The following PIEZO1 variants were observed in gnomAD, a reference collection of about 807,000 sequenced individuals.
PIEZO1 encodes the protein piezo-type mechanosensitive ion channel component 1.
PIEZO1 carries 296 observed loss-of-function variants against 297.2 expected under a neutral mutation model. The ratio of observed to expected loss-of-function variants is 1.00; its 90% CI spans 0.91 to 1.10. The LOEUF is 1.10. Among genes scored for constraint, PIEZO1 ranks in the 50% least tolerant of loss-of-function variants. The pLI, the probability that PIEZO1 is intolerant of heterozygous loss-of-function variation, is 0.00. For missense variants in PIEZO1, 5,018 were observed against 3,455.5 expected (o/e 1.45, Z -11.34); for synonymous variants, 2,427 against 1,507.5 (o/e 1.61, Z -14.13).
rs993426050 is a variant in PIEZO1, at chr16:88,715,392, C to T, written c.*213G>A. ...TTTTTTAATTAAAAAAAAAACTCTA[C>T]AGTACACGTGGGGGACGGCAGCGCC... On this transcript the variant is annotated 3_prime_UTR_variant, in exon 51 of 51. Transcript: ENST00000301015. 3.8e-6 allele frequency: 4 copies of T among 1,046,150 alleles called. No individual in the cohort carries two copies. The highest frequency in any genetic ancestry group is 3.2e-5 in the South Asian group (2 of 61,758). The allele number at this position is 1,046,150 out of a possible 1,614,324, so 64.8% of individuals were successfully genotyped here. A position where few individuals can be genotyped will look rare whatever the true frequency, so the allele number is the denominator to read the frequency against.
intron 22 of PIEZO1, among the ~76,000 whole-genome samples, chr16:88,730,491 G>A (rs552806863): frequency 3.3e-5 from 5 of 151,496 alleles, no homozygotes; most frequent in Non-Finnish European, 7.4e-5. Context: ...CTAGCCACGA[G>A]GGAGGCTGAG....
At chr16:88,769,043 C>G (rs1408115273) in intron 1 of PIEZO1, among the ~76,000 whole-genome samples, 1 of 152,236 alleles carries the variant, frequency 6.6e-6, no homozygotes, top group Non-Finnish European at 1.5e-5. Flanking sequence ...CCCACACTTG[C>G]TATGCAGAGT....
At chr16:88,758,805 C>A (rs747326755) in intron 1 of PIEZO1, among the ~76,000 whole-genome samples, 1 of 152,248 alleles carries the variant, frequency 6.6e-6, no homozygotes, top group African/African-American at 2.4e-5. Flanking sequence ...TCCCTCCTCA[C>A]AGGATTGTCG....
intron 1 of PIEZO1, among the ~76,000 whole-genome samples, chr16:88,757,509 C>A (rs1295180152): frequency 6.9e-6 from 1 of 144,800 alleles, no homozygotes; most frequent in African/African-American, 2.6e-5. Context: ...GGGCTGGGGG[C>A]CAAGACGGGG....
chr16:88,750,643 G>C (rs1352021616), intron 1 of PIEZO1, among the ~76,000 whole-genome samples: 2 of 152,244 alleles, frequency 1.3e-5, no homozygotes, highest in Non-Finnish European at 2.9e-5. Context: ...GAGTCAGGGA[G>C]GCTGTGCCTG....
At chr16:88,769,506 G>C (rs2911462) in intron 1 of PIEZO1, among the ~76,000 whole-genome samples, 1 of 152,186 alleles carries the variant, frequency 6.6e-6, no homozygotes, top group Non-Finnish European at 1.5e-5. Context: ...ACAGACCTGC[G>C]GAACGCCTCG....
chr16:88,724,448 T>C (rs1188583122), intron 30 of PIEZO1, among the ~76,000 whole-genome samples: 1 of 151,750 alleles, frequency 6.6e-6, no homozygotes, highest in Non-Finnish European at 1.5e-5. Context: ...GGAGAATCCT[T>C]TGAACCTGGG....
At chr16:88,736,887 A>C (rs1905257836) in intron 10 of PIEZO1, 148 bp from the exon 11 acceptor site, 2 of 532,348 alleles carry the variant, frequency 3.8e-6, no homozygotes, top group South Asian at 4.6e-5. Flanking sequence ...GGGCTCCGGC[A>C]ATTGGGCTGA....
intron 1 of PIEZO1, among the ~76,000 whole-genome samples, chr16:88,750,594 G>A (rs73266669): frequency 7.9e-4 from 120 of 152,304 alleles, no homozygotes; most frequent in African/African-American, 2.8e-3. Context: ...GCTCCCACCC[G>A]GGGTCTCCCT....
At chr16:88,770,248 C>A (rs1046962799) in intron 1 of PIEZO1, among the ~76,000 whole-genome samples, 18 of 152,206 alleles carry the variant, frequency 1.2e-4, no homozygotes, top group Non-Finnish European at 5.9e-5. Context: ...CAGGCGGCTC[C>A]CAGGACGTAT....
At chr16:88,751,979 C>T (rs1233155164) in intron 1 of PIEZO1, among the ~76,000 whole-genome samples, 6 of 152,210 alleles carry the variant, frequency 3.9e-5, no homozygotes, top group Non-Finnish European at 2.9e-5. Context: ...GTGGTGTGGA[C>T]ACCAGGCAGG....
chr16:88,749,085 A>G (rs1217827480), intron 2 of PIEZO1, among the ~76,000 whole-genome samples: 1 of 151,802 alleles, frequency 6.6e-6, no homozygotes, highest in Non-Finnish European at 1.5e-5. Context: ...AAAATACAAA[A>G]AAAAATAAGC....
chr16:88,730,471 G>A (rs1308902742), intron 22 of PIEZO1, among the ~76,000 whole-genome samples: 1 of 152,030 alleles, frequency 6.6e-6, no homozygotes, highest in Non-Finnish European at 1.5e-5. Flanking sequence ...GGTGGTGCTT[G>A]CCTGTAATCC....
intron 5 of PIEZO1, chr16:88,740,267 T>G (rs1905553748): frequency 1.3e-5 from 2 of 152,258 alleles, no homozygotes; most frequent in African/African-American, 4.8e-5. Context: ...ATCCTGCAGG[T>G]GCCTGGTGCC....
At chr16:88,737,321 A>G (rs913739688) in intron 10 of PIEZO1, 1 of 490,896 alleles carries the variant, frequency 2.0e-6, no homozygotes, top group South Asian at 2.3e-5. Flanking sequence ...GGGATCAACG[A>G]CGCGGCCACT....
chr16:88,720,778 C>A (rs375514788), intron 39 of PIEZO1, 30 bp from the exon 40 acceptor site: 11 of 1,455,900 alleles, frequency 7.6e-6, no homozygotes, highest in South Asian at 1.5e-5. Flanking sequence ...TCTGCCTGGG[C>A]CCCCTGGGGA....
intron 27 of PIEZO1, chr16:88,725,919 A>G: frequency 1.7e-6 from 1 of 572,222 alleles, no homozygotes. Flanking sequence ...ACCCCACCAC[A>G]GCTGCAGGGA....
At chr16:88,776,160 C>T (rs1000960066) in intron 1 of PIEZO1, among the ~76,000 whole-genome samples, 1 of 152,214 alleles carries the variant, frequency 6.6e-6, no homozygotes, top group African/African-American at 2.4e-5. Context: ...TGAGGCCGGG[C>T]GCGGTGGCTC....
intron 39 of PIEZO1, 146 bp downstream of exon 39, chr16:88,721,020 G>A (rs1912398586): frequency 3.4e-6 from 3 of 874,072 alleles, no homozygotes; most frequent in East Asian, 2.7e-5. Flanking sequence ...GCAGAGCCGG[G>A]AGCTGTGGCT....
Sources: allele counts gnomAD v4.1 joint callset (sites outside exome capture counted in the v4.1 genomes callset), GRCh38; gene constraint gnomAD v4.1.1; transcripts MANE v1.5; gene names NCBI Gene and HGNC (gene_info 2026-07-23, HGNC 2026-07-21).